USP15: variants seen among roughly 807,000 people sequenced by gnomAD.
The protein encoded by USP15 is ubiquitin carboxyl-terminal hydrolase 15.
A neutral mutation model predicts 127.1 loss-of-function variants in USP15; 18 were observed. The ratio of observed to expected loss-of-function variants is 0.14; its 90% CI spans 0.10 to 0.21. The LOEUF (loss-of-function observed/expected upper bound fraction) is 0.21, where lower values mean the gene tolerates loss of function less well. Ranked by LOEUF, USP15 falls within the 10% of genes least tolerant of loss-of-function variation. USP15 has a pLI of 1.00. For synonymous variants in USP15, 364 were observed against 393.7 expected, an observed-to-expected ratio of 0.92 and a Z score of 0.89; for missense variants, 805 against 1,159.9, an observed-to-expected ratio of 0.69 and a Z score of 4.44.
Position 62,412,866 on chromosome 12 carries a change from A to G in USP15, c.*8491A>G, listed in dbSNP as rs1036928198. 1 of 152,254 alleles carries G rather than the reference A, an allele frequency of 6.6e-6. No individual in the cohort carries two copies. Among genetic ancestry groups the G allele is most frequent in the African/African-American group, 2.4e-5 (1 of 41,468 alleles). 9.4% of individuals were successfully genotyped at this position (152,254 alleles called of 1,614,324 possible). Reference sequence around the variant, plus strand: ...TGTTAATGTTGATATTTTGACTCCCATGAATCACAAATATTCTGAATGAAT... The same window carrying G: ...TGTTAATGTTGATATTTTGACTCCCGTGAATCACAAATATTCTGAATGAAT... On this transcript the variant is annotated 3_prime_UTR_variant, in exon 22 of 22. Coordinates refer to ENST00000280377, the MANE Select transcript of USP15 (RefSeq NM_001252078.2).
At chr12:62,295,138 C>T (rs999137707) in intron 2 of USP15, among the ~76,000 whole-genome samples, 2 of 152,110 alleles carry the variant, frequency 1.3e-5, no homozygotes, top group Non-Finnish European at 2.9e-5. Context: ...GACCTAGACC[C>T]CCCCCCATAG....
chr12:62,394,865 A>T (rs1475561821), intron 19 of USP15, among the ~76,000 whole-genome samples: 1 of 152,228 alleles, frequency 6.6e-6, no homozygotes, highest in Middle Eastern at 3.4e-3. Context: ...AAAAAAAAAA[A>T]AGAATCAGAA....
chr12:62,389,297 G>A (rs1292156595), intron 11 of USP15, 134 bp from the exon 12 acceptor site: 1 of 703,054 alleles, frequency 1.4e-6, no homozygotes, highest in South Asian at 1.9e-5. Context: ...CAGGACCCAG[G>A]ATAGTGGCAA....
At chr12:62,337,643 C>A (rs564008764) in intron 6 of USP15, among the ~76,000 whole-genome samples, 12 of 151,676 alleles carry the variant, frequency 7.9e-5, no homozygotes, top group African/African-American at 2.7e-4. Flanking sequence ...CCCCCACCCC[C>A]CAACAGGCCC....
At chr12:62,380,158 T>A (rs1448139238) in intron 8 of USP15, among the ~76,000 whole-genome samples, 1 of 151,992 alleles carries the variant, frequency 6.6e-6, no homozygotes, top group African/African-American at 2.4e-5. Flanking sequence ...AATTCCATGA[T>A]ATTATAACCA....
intron 18 of USP15, 48 bp from the exon 19 acceptor site, chr12:62,393,005 G>T: frequency 6.3e-7 from 1 of 1,576,896 alleles, no homozygotes; most frequent in South Asian, 1.2e-5. Context: ...CATTAATGGG[G>T]GTTGTTTGTA....
rs1284483520 is a variant in USP15 at position 62,411,260 on chromosome 12, C to T, written c.*6885C>T. The T allele has an allele frequency of 1.2e-4, 18 of 152,244 alleles. No homozygotes were observed. Among genetic ancestry groups the T allele is most frequent in the Non-Finnish European group, 4.4e-5 (3 of 68,078 alleles). The allele number at this position is 152,244 out of a possible 1,614,324, so 9.4% of individuals were successfully genotyped here. On this transcript the variant is annotated 3_prime_UTR_variant, in exon 22 of 22. Coordinates refer to ENST00000280377, the MANE Select transcript of USP15 (RefSeq NM_001252078.2). Reference sequence around the variant, plus strand: ...TAGTCACTACATCCTCTTGCTCTTTCTCATTTTTACTCTTTAACTGGCTCC... The same window carrying T: ...TAGTCACTACATCCTCTTGCTCTTTTTCATTTTTACTCTTTAACTGGCTCC...
At chr12:62,309,354 T>G (rs943690027) in intron 3 of USP15, among the ~76,000 whole-genome samples, 1 of 152,054 alleles carries the variant, frequency 6.6e-6, no homozygotes, top group African/African-American at 2.4e-5. Context: ...AAACAGAACT[T>G]TAAAATGTCA....
At chr12:62,363,366 A>G (rs771147479) in intron 8 of USP15, among the ~76,000 whole-genome samples, 51 of 152,046 alleles carry the variant, frequency 3.4e-4, no homozygotes, top group Non-Finnish European at 6.5e-4. Flanking sequence ...CTTATTTCCT[A>G]TCACTTACCT....
At chr12:62,298,508 T>C (rs2064202687) in intron 2 of USP15, among the ~76,000 whole-genome samples, 2 of 151,810 alleles carry the variant, frequency 1.3e-5, no homozygotes, top group Admixed American at 1.3e-4. Flanking sequence ...CTATTAAAAA[T>C]ACAAAAAATT....
Position 62,314,818 on chromosome 12 carries a change from A to G in USP15, c.377A>G (p.His126Arg). ...KVVEQGMFVKHCKVEVYLTEL... is the reference protein window; with the variant it reads ...KVVEQGMFVKRCKVEVYLTEL... ...GTTGAACAGGGTATGTTTGTAAAGC[A>G]CTGCAAAGTAGAAGTATATCTCACA... Residue 126 changes from histidine to arginine, a missense_variant, in exon 4 of 22, where the codon CAC becomes CGC. By Grantham distance (29) the His-to-Arg change is conservative. This residue lies in a region of USP15 where 69 missense variants were observed against 126.4 expected (regional missense o/e 0.55). Transcript: ENST00000280377. 6.3e-7 allele frequency: 1 copy of G among 1,591,148 alleles called. No individual in the cohort carries two copies. Among genetic ancestry groups the G allele is most frequent in the Non-Finnish European group, 8.6e-7 (1 of 1,168,682 alleles).
chr12:62,393,415 A>G (rs1186298028), intron 19 of USP15, among the ~76,000 whole-genome samples: 2 of 152,200 alleles, frequency 1.3e-5, no homozygotes, highest in South Asian at 2.1e-4. Flanking sequence ...AAGAGAAAAT[A>G]TACTTTAAAA....
intron 8 of USP15, among the ~76,000 whole-genome samples, chr12:62,360,877 T>C (rs554760361): frequency 6.6e-6 from 1 of 152,044 alleles, no homozygotes; most frequent in South Asian, 2.1e-4. Context: ...GTGCCAGAAA[T>C]TACATAGCAA....
At chr12:62,288,106 G>GTT (rs1447627441) in intron 1 of USP15, among the ~76,000 whole-genome samples, 1 of 151,970 alleles carries the variant, frequency 6.6e-6, no homozygotes, top group African/African-American at 2.4e-5. Flanking sequence ...TTTTAGAATT[G>GTT]TTTTTTCTAA....
chr12:62,280,336 G>T (rs891138808), intron 1 of USP15, among the ~76,000 whole-genome samples: 3 of 152,192 alleles, frequency 2.0e-5, no homozygotes, highest in African/African-American at 7.2e-5. Context: ...ATATGTGAAA[G>T]ATTATAGTTG....
Position 62,408,906 on chromosome 12 carries a change from TAGCTC to T in USP15, c.*4534_*4538del, listed in dbSNP as rs1319374660. On this transcript the variant is annotated 3_prime_UTR_variant, in exon 22 of 22. Transcript: ENST00000280377. ...ACTATATATTAAAAGAATTTCCAAA[TAGCTC>T]AGATAAGAAAACTTTGGTTTAAAAT... 2 of 152,106 alleles carry T rather than the reference TAGCTC, an allele frequency of 1.3e-5. No homozygotes were observed. The highest frequency in any genetic ancestry group is 2.4e-5 in the African/African-American group (1 of 41,454). 9.4% of individuals were successfully genotyped at this position (152,106 alleles called of 1,614,324 possible). A position where few individuals can be genotyped will look rare whatever the true frequency, so the allele number is the denominator to read the frequency against.
chr12:62,276,172 C>T (rs996493234), intron 1 of USP15, among the ~76,000 whole-genome samples: 1 of 152,062 alleles, frequency 6.6e-6, no homozygotes, highest in African/African-American at 2.4e-5. Context: ...GTGATTAAGC[C>T]ATAGATCTTT....
chr12:62,281,851 A>G (rs2063658188), intron 1 of USP15, among the ~76,000 whole-genome samples: 1 of 152,190 alleles, frequency 6.6e-6, no homozygotes, highest in Admixed American at 6.5e-5. Context: ...GAAATATATG[A>G]CAATAGACAG....
chr12:62,349,513 T>G (rs1035851997), intron 7 of USP15, among the ~76,000 whole-genome samples: 3 of 152,024 alleles, frequency 2.0e-5, no homozygotes, highest in Non-Finnish European at 2.9e-5. Flanking sequence ...CTGAAAGAAA[T>G]AAAACACTTA....
Sources: allele counts gnomAD v4.1 joint callset (sites outside exome capture counted in the v4.1 genomes callset), GRCh38; gene constraint gnomAD v4.1.1; regional missense constraint gnomAD v4.1.1; transcripts MANE v1.5; gene names NCBI Gene and HGNC (gene_info 2026-07-23, HGNC 2026-07-21).